Variants in CROCC observed in about 807,000 individuals in gnomAD.
The protein encoded by CROCC is ciliary rootlet coiled-coil, rootletin, also known as rootletin.
In CROCC, 180 loss-of-function variants were observed where a neutral mutation model predicts 245.2. The ratio of observed to expected loss-of-function variants is 0.73; its 90% CI spans 0.65 to 0.83. CROCC has a LOEUF of 0.83. Ranked by LOEUF, CROCC falls within the 40% of genes least tolerant of loss-of-function variation. CROCC has a pLI of 0.00. For missense variants in CROCC, 2,688 were observed against 2,779.4 expected, an observed-to-expected ratio of 0.97 and a Z score of 0.74; for synonymous variants, 1,205 against 1,241.6, an observed-to-expected ratio of 0.97 and a Z score of 0.62.
chr1:16,957,742 G>C (rs1314616935), intron 25 of CROCC, among the ~76,000 whole-genome samples: 1 of 151,918 alleles, frequency 6.6e-6, no homozygotes, highest in East Asian at 1.9e-4. Context: ...ACGATGCCTG[G>C]CCCCCCCAAA....
intron 14 of CROCC, 82 bp from the exon 15 acceptor site, chr1:16,945,380 C>G: frequency 2.5e-6 from 4 of 1,584,862 alleles, no homozygotes; most frequent in African/African-American, 1.3e-5. Flanking sequence ...CAGGCCTGGT[C>G]CCCAGCCCAG....
chr1:16,946,845 C>G lies in CROCC; in HGVS notation c.2368C>G (p.Leu790Val). The G allele has an allele frequency of 6.4e-7, 1 of 1,554,712 alleles. No individual in the cohort carries two copies. The highest frequency in any genetic ancestry group is 8.7e-7 in the Non-Finnish European group (1 of 1,148,954). Residue 790 changes from leucine (L) to valine (V), a missense_variant, in exon 17 of 37, where the codon CTA becomes GTA. This residue lies in a region of CROCC where 295 missense variants were observed against 241.7 expected (regional missense o/e 1.22). Transcript: ENST00000375541. ...AGTGGCGCGGGAAGAGCAGGAACGG[C>G]TAGAGGAGCTGCGGTTGGAGCAGGA... Reference protein sequence around the residue: ...ATVAREEQERLEELRLEQEVA... With the variant: ...ATVAREEQERVEELRLEQEVA...
Position 16,971,593 on chromosome 1 carries a change from C to T in CROCC, c.5913C>T (p.Thr1971=). 1 of 1,525,924 alleles carries T rather than the reference C, an allele frequency of 6.6e-7. No homozygotes were observed. The highest frequency in any genetic ancestry group is 8.8e-7 in the Non-Finnish European group (1 of 1,137,556). 94.5% of individuals were successfully genotyped at this position (1,525,924 alleles called of 1,614,324 possible). A position where few individuals can be genotyped will look rare whatever the true frequency, so the allele number is the denominator to read the frequency against. Residue 1971 remains threonine, a synonymous_variant, in exon 36 of 37, where the codon ACC becomes ACT. Coordinates refer to ENST00000375541, the MANE Select transcript of CROCC (RefSeq NM_014675.5). ...LRSAQAQTER[T]LEARERAHRQ... Reference sequence around the variant, plus strand: ...GCGCCCAGGCGCAGACTGAGCGCACCCTGGAGGCTCGGGAGCGGGCCCACC... The same window carrying T: ...GCGCCCAGGCGCAGACTGAGCGCACTCTGGAGGCTCGGGAGCGGGCCCACC...
chr1:16,968,087 C>A (rs2076447755), intron 30 of CROCC, 116 bp from the exon 31 acceptor site: 6 of 1,023,870 alleles, frequency 5.9e-6, no homozygotes, highest in Non-Finnish European at 8.8e-6. Context: ...GGCCCCAGGT[C>A]ACGTAGGTCA....
rs2076245446 is a variant in CROCC, at chr1:16,956,031, C to T, written c.3739C>T (p.Leu1247=). ...TGCCAATGAGGACAAGGAGCAGAAG[C>T]TGGCACTCCTAGAGGAGGCACGGAC... is the stretch of plus-strand genomic sequence containing the variant. The part of the protein sequence containing the change: ...KLANEDKEQK[L]ALLEEARTAV... Residue 1247 remains leucine, a synonymous_variant, in exon 25 of 37, where the codon CTG becomes TTG. Transcript: ENST00000375541. 2 of 1,551,046 alleles carry T rather than the reference C, an allele frequency of 1.3e-6. No individual in the cohort carries two copies. Among genetic ancestry groups the T allele is most frequent in the Non-Finnish European group, 8.7e-7 (1 of 1,147,036 alleles).
chr1:16,936,539 G>C (rs1570621213), intron 8 of CROCC, 98 bp from the exon 9 acceptor site: 1 of 1,268,206 alleles, frequency 7.9e-7, no homozygotes, highest in Non-Finnish European at 1.1e-6. Context: ...GAAGTGCTGG[G>C]ATTATAGGTG....
rs561750754 is a variant in CROCC, at chr1:16,936,825, C to T, written c.1145C>T (p.Ala382Val). The T allele has an allele frequency of 2.9e-5, 46 of 1,612,284 alleles. No homozygotes were observed. The highest frequency in any genetic ancestry group is 1.9e-4 in the Middle Eastern group (1 of 5,218). ...RDKVLREKDL[A>V]QQQMQSDLDK... ...AAGGTGCTCCGCGAGAAGGACCTGGCGCAGCAGCAGATGCAAAGCGACCTG... is the reference window on the plus strand; with the variant it reads ...AAGGTGCTCCGCGAGAAGGACCTGGTGCAGCAGCAGATGCAAAGCGACCTG... The change falls in exon 9 of 37, where the codon GCG becomes GTG. Residue 382 changes from alanine (A) to valine (V), a missense_variant. Physicochemically the swap from Ala to Val is moderately conservative, Grantham distance 64. Transcript: ENST00000375541.
rs2235934 is a variant in CROCC at position 16,968,805 on chromosome 1, C to T, written c.5077-311C>T. Among the ~76,000 whole-genome samples the T allele has an allele frequency of 1.1e-4, 16 of 152,310 alleles. No individual in the cohort carries two copies. In the East Asian group the frequency reaches 2.1e-3, roughly 20 times the overall value. On this transcript the variant is annotated intron_variant, in intron 31 of 36. Transcript: ENST00000375541. ...GTCAAAAATAAAAAAATTTTAGGGT[C>T]GTGGTGGTTTCCCTTTCTCTTCCAC...
chr1:16,969,391 G>GT, intron 32 of CROCC, 51 bp downstream of exon 32: 1 of 1,542,280 alleles, frequency 6.5e-7, no homozygotes, highest in Non-Finnish European at 8.8e-7. Flanking sequence ...GAGTCAGCCA[G>GT]TAAGAGCAGG....
At chr1:16,963,447 C>T (rs1211824951) in intron 27 of CROCC, among the ~76,000 whole-genome samples, 1 of 152,112 alleles carries the variant, frequency 6.6e-6, no homozygotes, top group Non-Finnish European at 1.5e-5. Flanking sequence ...CATTATAGGC[C>T]TCTACGGGGA....
At chr1:16,935,950 G>T (rs2075778442) in intron 8 of CROCC, among the ~76,000 whole-genome samples, 2 of 152,274 alleles carry the variant, frequency 1.3e-5, no homozygotes, top group African/African-American at 4.8e-5. Flanking sequence ...TGCATGCATA[G>T]TTTTCAGAGC....
intron 8 of CROCC, among the ~76,000 whole-genome samples, chr1:16,933,086 C>CA (rs1455466663): frequency 6.6e-6 from 1 of 151,924 alleles, no homozygotes; most frequent in Non-Finnish European, 1.5e-5. Context: ...GCTGGGATTA[C>CA]AGGCATGAGC....
Position 16,954,418 on chromosome 1 carries a change from GCCC to G in CROCC, c.3321+64_3321+66del. The G allele has an allele frequency of 6.4e-7, 1 of 1,564,526 alleles. No homozygotes were observed. The highest frequency in any genetic ancestry group is 1.4e-5 in the African/African-American group (1 of 73,844). ...AGAGAGGCACATCCCTGGCTGAGGA[GCCC>G]CCACCACGGGGCGGCATGGCCCTGT... On this transcript the variant is annotated intron_variant, in intron 22 of 36. Transcript: ENST00000375541. The surrounding 1 kb of genome is among the most constrained non-coding windows in gnomAD (Gnocchi z 4.4).
At chr1:16,943,794 G>GCCGTAGCAGAGCTGGTGA (rs2075985750) in intron 13 of CROCC, among the ~76,000 whole-genome samples, 1 of 152,074 alleles carries the variant, frequency 6.6e-6, no homozygotes, top group Admixed American at 6.6e-5. Context: ...AGAGCTGGTG[G>GCCGTAGCAGAGCTGGTGA]CACAATTGCC....
chr1:16,971,207 C>CTG (rs2076511545), intron 35 of CROCC, among the ~76,000 whole-genome samples: 3 of 115,312 alleles, frequency 2.6e-5, no homozygotes, highest in Admixed American at 2.0e-4. Flanking sequence ...TGTATGATGT[C>CTG]TGAGTGTGTG....
At chr1:16,926,319 T>G (rs1259670290) in intron 3 of CROCC, among the ~76,000 whole-genome samples, 1 of 152,208 alleles carries the variant, frequency 6.6e-6, no homozygotes, top group Non-Finnish European at 1.5e-5. Context: ...GGAAAGTAAG[T>G]CCGGGAGAGG....
chr1:16,931,354 G>T lies in CROCC; in HGVS notation c.913G>T (p.Gly305Trp), dbSNP rs757730759. ...RLLLLWRQVV[G>W]FRRLVSEVKM... ...GCTCCTCCTCTGGAGGCAGGTGGTG[G>T]GGTTCCGGCGGCTGGTCAGCGAGGT... Residue 305 changes from glycine to tryptophan, a missense_variant, in exon 8 of 37, where the codon GGG becomes TGG. Physicochemically the swap from Gly to Trp is radical, Grantham distance 184. Coordinates refer to ENST00000375541, the MANE Select transcript of CROCC (RefSeq NM_014675.5). 4 of 1,612,698 alleles carry T rather than the reference G, an allele frequency of 2.5e-6. No individual in the cohort carries two copies. The South Asian group carries it at 3.3e-5, about 13-fold the overall frequency.
At chr1:16,928,984 G>A (rs1425243719) in intron 3 of CROCC, among the ~76,000 whole-genome samples, 1 of 152,132 alleles carries the variant, frequency 6.6e-6, no homozygotes, top group Non-Finnish European at 1.5e-5. Context: ...ATGACACCAC[G>A]CCCAGCTAAT....
chr1:16,963,689 A>G (rs1570705750), intron 27 of CROCC, among the ~76,000 whole-genome samples: 1 of 145,290 alleles, frequency 6.9e-6, no homozygotes, highest in South Asian at 2.3e-4. Context: ...TGCCCCCTCC[A>G]CCTCCCCGGG....
Sources: gnomAD v4.1 joint callset for allele counts (sites outside exome capture counted in the v4.1 genomes callset) on GRCh38, gnomAD v4.1.1 for gene constraint, gnomAD v4.1.1 regional missense constraint, Gnocchi (gnomAD v3.1) non-coding constraint, MANE v1.5 for transcripts, NCBI Gene and HGNC (gene_info 2026-07-23, HGNC 2026-07-21) for gene names.